Variants in ITGB8 observed in about 807,000 individuals in gnomAD.
ITGB8 encodes integrin subunit beta 8.
ITGB8 carries 30 observed loss-of-function variants against 89.5 expected under a neutral mutation model. The ratio of observed to expected loss-of-function variants is 0.34; its 90% CI spans 0.25 to 0.45. The LOEUF (loss-of-function observed/expected upper bound fraction) is 0.45. Among genes scored for constraint, ITGB8 ranks in the 20% least tolerant of loss-of-function variants. The pLI, the probability that ITGB8 is intolerant of heterozygous loss-of-function variation, is 1.00. For missense variants in ITGB8, 836 were observed against 933.3 expected (o/e 0.90, Z 1.36); for synonymous variants, 335 against 320.4 (o/e 1.05, Z -0.49).
At chr7:20,391,799 G>T (rs565824874) in intron 7 of ITGB8, among the ~76,000 whole-genome samples, 1 of 152,278 alleles carries the variant, frequency 6.6e-6, no homozygotes, top group East Asian at 1.9e-4. Context: ...AGACTTATCA[G>T]GCAAAAAGTA....
At chr7:20,339,540 C>T (rs11768554) in intron 1 of ITGB8, among the ~76,000 whole-genome samples, 22,132 of 152,070 alleles carry the variant, frequency 0.15, 1,771 homozygotes, top group East Asian at 0.33. Flanking sequence ...TAGGAAACTA[C>T]TAATATTAAA....
intron 1 of ITGB8, among the ~76,000 whole-genome samples, chr7:20,362,853 A>C (rs553307174): frequency 1.7e-4 from 26 of 152,280 alleles, no homozygotes; most frequent in African/African-American, 5.8e-4. Context: ...GCCTTATTTT[A>C]ATTGTTTCAG....
At chr7:20,394,808 G>A (rs1036332444) in intron 7 of ITGB8, 88 bp from the exon 8 acceptor site, 1 of 922,256 alleles carries the variant, frequency 1.1e-6, no homozygotes, top group Admixed American at 1.9e-5. Context: ...ACCTTCAACT[G>A]ATAACTACAA....
intron 1 of ITGB8, among the ~76,000 whole-genome samples, chr7:20,357,122 AT>A (rs1456921733): frequency 1.3e-5 from 2 of 152,178 alleles, no homozygotes; most frequent in East Asian, 3.9e-4. Context: ...CTGGGAAATA[AT>A]TTAAAAATTG....
In ITGB8 at chr7:20,365,148, G is replaced by C. The variant is rs531747678; in HGVS notation, c.213+1426G>C. On this transcript the variant is annotated intron_variant, in intron 2 of 13. Transcript: ENST00000222573. The stretch of plus-strand genomic sequence containing the variant: ...GTCACAGCTCTGGGAATAGCTGTCA[G>C]TCCTGCCATAGAAGGAGGGATTTTG... 5 of 152,338 alleles carry C rather than the reference G, an allele frequency of 3.3e-5. No homozygotes were observed. In the South Asian group the frequency reaches 1.0e-3, roughly 32 times the overall value. 9.4% of individuals were successfully genotyped at this position (152,338 alleles called of 1,614,324 possible). A position where few individuals can be genotyped will look rare whatever the true frequency, so the allele number is the denominator to read the frequency against.
chr7:20,368,819 C>G (rs76995842), intron 3 of ITGB8, among the ~76,000 whole-genome samples: 2,963 of 152,068 alleles, frequency 0.019, 50 homozygotes, highest in Non-Finnish European at 0.028. Flanking sequence ...TTACTGTTAT[C>G]CTACTAGGTT....
At chr7:20,349,762 T>C (rs1163896206) in intron 1 of ITGB8, among the ~76,000 whole-genome samples, 1 of 152,252 alleles carries the variant, frequency 6.6e-6, no homozygotes, top group African/African-American at 2.4e-5. Context: ...TGTTTTGCTA[T>C]ACACTGGCGG....
intron 1 of ITGB8, among the ~76,000 whole-genome samples, chr7:20,332,230 G>A (rs116856540): frequency 6.6e-6 from 1 of 152,228 alleles, no homozygotes; most frequent in Non-Finnish European, 1.5e-5. Flanking sequence ...CCTGTTTACA[G>A]AAGTCATTTA....
At chr7:20,342,754 C>G (rs2390312) in intron 1 of ITGB8, among the ~76,000 whole-genome samples, 80,400 of 151,174 alleles carry the variant, frequency 0.53, 22,024 homozygotes, top group South Asian at 0.72. Flanking sequence ...TTGTTCAAGA[C>G]CAAAGGAATC....
rs1459804502 is a variant in ITGB8, at chr7:20,338,091, A to G, written c.127+6158A>G. ...GGGGAAGATAATGGCTGGAGAGGCA[A>G]CGCTTCACACACTGCCCAGTTCCTA... is the stretch of plus-strand genomic sequence containing the variant. On this transcript the variant is annotated intron_variant, in intron 1 of 13. Coordinates refer to ENST00000222573, the MANE Select transcript of ITGB8 (RefSeq NM_002214.3). Among the ~76,000 whole-genome samples, 4 of 152,256 alleles carry G rather than the reference A, an allele frequency of 2.6e-5. No individual in the cohort carries two copies. The East Asian group carries it at 7.7e-4, about 29-fold the overall frequency.
Position 20,401,808 on chromosome 7 carries a change from G to A in ITGB8, c.1369G>A (p.Glu457Lys). Reference sequence around the variant, plus strand: ...AATAATCAAACCTATTGGTTTTAATGAAACCGCTAAAATTCATATACACAG... The same window carrying A: ...AATAATCAAACCTATTGGTTTTAATAAAACCGCTAAAATTCATATACACAG... ...YAIIKPIGFN[E>K]TAKIHIHRNC... The change falls in exon 10 of 14, where the codon GAA becomes AAA. Residue 457 changes from glutamate to lysine, a missense_variant. Coordinates refer to ENST00000222573, the MANE Select transcript of ITGB8 (RefSeq NM_002214.3). The A allele has an allele frequency of 6.2e-7, 1 of 1,612,802 alleles. No individual in the cohort carries two copies. Among genetic ancestry groups the A allele is most frequent in the Non-Finnish European group, 8.5e-7 (1 of 1,179,692 alleles).
At position 20,412,391 on chromosome 7, in the gene ITGB8, T is replaced by A. The variant is rs888284618; in HGVS notation, c.*2394T>A. 6.6e-6 allele frequency: 1 copy of A among 152,326 alleles called. No individual in the cohort carries two copies. The highest frequency in any genetic ancestry group is 2.4e-5 in the African/African-American group (1 of 41,398). 9.4% of individuals were successfully genotyped at this position (152,326 alleles called of 1,614,324 possible). ...AAAATGGATGGATGCCTGACAACCC[T>A]CCAAAAGAAAAAAGTGTAAGATAGC... On this transcript the variant is annotated 3_prime_UTR_variant, in exon 14 of 14. Transcript: ENST00000222573.
At chr7:20,404,491 A>C (rs1159761328) in intron 10 of ITGB8, 137 bp from the exon 11 acceptor site, 1 of 722,234 alleles carries the variant, frequency 1.4e-6, no homozygotes, top group Non-Finnish European at 2.4e-6. Flanking sequence ...GTGTCAGACC[A>C]ATGAAAAAGT....
At chr7:20,362,396 AT>A (rs1324717164) in intron 1 of ITGB8, among the ~76,000 whole-genome samples, 6 of 152,168 alleles carry the variant, frequency 3.9e-5, no homozygotes, top group Non-Finnish European at 8.8e-5. Flanking sequence ...TATGTAATAC[AT>A]TTTTTAAAGG....
chr7:20,357,076 TA>T (rs1219021798), intron 1 of ITGB8, among the ~76,000 whole-genome samples: 11 of 152,292 alleles, frequency 7.2e-5, no homozygotes, highest in Admixed American at 3.3e-4. Flanking sequence ...CAGATAGCTA[TA>T]GGGGTCATTT....
At chr7:20,330,537 G>A (rs1176237070), upstream of ITGB8, among the ~76,000 whole-genome samples, 1 of 152,186 alleles carries the variant, frequency 6.6e-6, no homozygotes, top group East Asian at 1.9e-4. Flanking sequence ...CCTGTTGCGC[G>A]GCTACGCTTC....
At chr7:20,365,064 G>A (rs1449882672) in intron 2 of ITGB8, 1 of 152,240 alleles carries the variant, frequency 6.6e-6, no homozygotes, top group Non-Finnish European at 1.5e-5. Context: ...AGAACATCAG[G>A]CTTCAGAGGG....
At chr7:20,381,642 C>A in intron 5 of ITGB8, 85 bp from the exon 6 acceptor site, 2 of 1,036,272 alleles carry the variant, frequency 1.9e-6, no homozygotes, top group Non-Finnish European at 2.9e-6. Context: ...TGTTCGTCAA[C>A]TCAAACGTAA....
intron 8 of ITGB8, among the ~76,000 whole-genome samples, chr7:20,395,705 A>AC (rs1787046197): frequency 6.6e-6 from 1 of 152,226 alleles, no homozygotes; most frequent in African/African-American, 2.4e-5. Context: ...TACATACATG[A>AC]CCTCATTCAG....
Sources: gnomAD v4.1 joint callset for allele counts (sites outside exome capture counted in the v4.1 genomes callset) on GRCh38, gnomAD v4.1.1 for gene constraint, MANE v1.5 for transcripts, NCBI Gene and HGNC (gene_info 2026-07-23, HGNC 2026-07-21) for gene names.